The following RBFOX1 variants were observed in gnomAD, a reference collection of about 807,000 sequenced individuals.
RBFOX1 encodes RNA binding protein fox-1 homolog 1.
In RBFOX1, 8 loss-of-function variants were observed where a neutral mutation model predicts 57.7. The observed-to-expected ratio is 0.14, with a 90% CI of 0.08 to 0.25. The LOEUF (loss-of-function observed/expected upper bound fraction) is 0.25. Ranked by LOEUF, RBFOX1 falls within the 10% of genes least tolerant of loss-of-function variation. RBFOX1 has a pLI of 1.00. For synonymous variants in RBFOX1, 326 were observed against 222.4 expected (o/e 1.47, Z -4.15); for missense variants, 611 against 548.5 (o/e 1.11, Z -1.14).
chr16:6,082,232 G>A (rs1413003172), intron 1 of RBFOX1, among the ~76,000 whole-genome samples: 1 of 143,666 alleles, frequency 7.0e-6, no homozygotes, highest in Non-Finnish European at 1.5e-5. Flanking sequence ...CCAGGCTGGA[G>A]TGTAGTGGTG....
At chr16:6,797,352 T>G (rs894497350) in intron 3 of RBFOX1, among the ~76,000 whole-genome samples, 1 of 152,136 alleles carries the variant, frequency 6.6e-6, no homozygotes, top group Non-Finnish European at 1.5e-5. Context: ...AAAATCATTA[T>G]GAAGCAGAGA....
chr16:5,732,691 C>T (rs1172661743), intron 3 of RBFOX1, among the ~76,000 whole-genome samples: 1 of 152,168 alleles, frequency 6.6e-6, no homozygotes, highest in African/African-American at 2.4e-5. Flanking sequence ...AAGATCACAT[C>T]TATCCATTTT....
intron 2 of RBFOX1, among the ~76,000 whole-genome samples, chr16:6,616,112 G>A (rs2098137381): frequency 6.6e-6 from 1 of 152,114 alleles, no homozygotes; most frequent in African/African-American, 2.4e-5. Flanking sequence ...CCAAACTGAA[G>A]AATCTTTTAT....
chr16:6,961,174 A>C (rs2082928846), intron 3 of RBFOX1, among the ~76,000 whole-genome samples: 1 of 46,452 alleles, frequency 2.2e-5, no homozygotes. Flanking sequence ...CAAAAGAAAG[A>C]AAGAAAAAAG....
At chr16:6,882,623 TC>T (rs2063183245) in intron 3 of RBFOX1, among the ~76,000 whole-genome samples, 1 of 151,946 alleles carries the variant, frequency 6.6e-6, no homozygotes, top group Non-Finnish European at 1.5e-5. Context: ...ATAAATAAGA[TC>T]ATGTTTGCAG....
intron 2 of RBFOX1, among the ~76,000 whole-genome samples, chr16:5,481,366 C>T (rs982243821): frequency 3.3e-5 from 5 of 152,128 alleles, no homozygotes; most frequent in Admixed American, 2.0e-4. Flanking sequence ...AAATAGGCTG[C>T]GCTGATGGAC....
At chr16:7,045,953 C>T (rs1378487559) in intron 3 of RBFOX1, among the ~76,000 whole-genome samples, 4 of 152,064 alleles carry the variant, frequency 2.6e-5, no homozygotes, top group African/African-American at 7.2e-5. Flanking sequence ...CCACCATGCC[C>T]GGCCAAGATA....
At chr16:6,874,582 G>T (rs546817020) in intron 3 of RBFOX1, among the ~76,000 whole-genome samples, 3 of 150,410 alleles carry the variant, frequency 2.0e-5, no homozygotes, top group Admixed American at 6.6e-5. Flanking sequence ...GTGAGAGGCC[G>T]TTATTGTAAG....
chr16:5,479,955 C>T (rs1043265538), intron 2 of RBFOX1, among the ~76,000 whole-genome samples: 2 of 152,086 alleles, frequency 1.3e-5, no homozygotes, highest in Non-Finnish European at 2.9e-5. Flanking sequence ...TCTTTCTCCC[C>T]ACCCTCCAGC....
chr16:6,837,307 C>T (rs1170776794), intron 3 of RBFOX1, among the ~76,000 whole-genome samples: 1 of 152,220 alleles, frequency 6.6e-6, no homozygotes, highest in African/African-American at 2.4e-5. Flanking sequence ...ACCCAGGCTG[C>T]TTCCATTTTG....
chr16:7,323,025 T>C (rs1337708200), intron 4 of RBFOX1, among the ~76,000 whole-genome samples: 1 of 152,144 alleles, frequency 6.6e-6, no homozygotes, highest in South Asian at 2.1e-4. Context: ...CTCTCTCTGC[T>C]CTTTGGATTT....
chr16:6,892,117 C>G (rs1024724609), intron 3 of RBFOX1, among the ~76,000 whole-genome samples: 10 of 152,148 alleles, frequency 6.6e-5, no homozygotes, highest in African/African-American at 2.2e-4. Flanking sequence ...GACTCTTACC[C>G]AAGTCCCCAA....
chr16:5,980,591 G>T (rs112818084), intron 4 of RBFOX1, among the ~76,000 whole-genome samples: 2 of 152,296 alleles, frequency 1.3e-5, no homozygotes, highest in African/African-American at 4.8e-5. Context: ...GTATTTCCCA[G>T]AGTTGAGGGG....
intron 3 of RBFOX1, among the ~76,000 whole-genome samples, chr16:6,812,493 C>G (rs1023883248): frequency 2.0e-5 from 3 of 152,044 alleles, no homozygotes; most frequent in East Asian, 1.9e-4. Flanking sequence ...CTTGCCATAG[C>G]CTACTGAGTA....
chr16:5,658,218 A>G (rs1283010894), intron 3 of RBFOX1, among the ~76,000 whole-genome samples: 1 of 152,142 alleles, frequency 6.6e-6, no homozygotes, highest in Non-Finnish European at 1.5e-5. Flanking sequence ...CTCTTTTGTT[A>G]CTGGAGACCT....
At chr16:5,508,642 C>T (rs1330174279) in intron 2 of RBFOX1, among the ~76,000 whole-genome samples, 2 of 151,010 alleles carry the variant, frequency 1.3e-5, no homozygotes, top group Admixed American at 6.6e-5. Flanking sequence ...CTGCACAGAG[C>T]GATTGTACAG....
In RBFOX1 at chr16:7,161,569, A is replaced by G. The variant is rs1047703162; in HGVS notation, c.27+109471A>G. Among the ~76,000 whole-genome samples the G allele has an allele frequency of 5.9e-5, 9 of 152,160 alleles. No individual in the cohort carries two copies. The East Asian group carries it at 1.7e-3, about 29-fold the overall frequency. ...TACATGTCAGTGAAGTCCTTTGCTA[A>G]GGCTGTGTACCTACTAAGAATCAGA... On this transcript the variant is annotated intron_variant, in intron 4 of 15. Transcript: ENST00000550418.
At chr16:7,367,293 A>T (rs2097473096) in intron 4 of RBFOX1, among the ~76,000 whole-genome samples, 1 of 152,172 alleles carries the variant, frequency 6.6e-6, no homozygotes, top group Non-Finnish European at 1.5e-5. Context: ...AGTGCAGTTC[A>T]GTTTGTAGTC....
chr16:7,415,713 G>T (rs546837926), intron 4 of RBFOX1, among the ~76,000 whole-genome samples: 1 of 152,228 alleles, frequency 6.6e-6, no homozygotes, highest in East Asian at 1.9e-4. Flanking sequence ...GGCAAGAAAA[G>T]GGCTACCATT....
Sources: allele counts gnomAD v4.1 joint callset (sites outside exome capture counted in the v4.1 genomes callset), GRCh38; gene constraint gnomAD v4.1.1; transcripts MANE v1.5; gene names NCBI Gene and HGNC (gene_info 2026-07-23, HGNC 2026-07-21).